The following PKN2 variants were observed in gnomAD, a reference collection of about 807,000 sequenced individuals.
PKN2 encodes the protein serine/threonine-protein kinase N2.
A neutral mutation model predicts 119.1 loss-of-function variants in PKN2; 38 were observed. The ratio of observed to expected loss-of-function variants is 0.32; its 90% confidence interval spans 0.25 to 0.42. The LOEUF (loss-of-function observed/expected upper bound fraction) is 0.42. Among genes scored for constraint, PKN2 ranks in the 10% least tolerant of loss-of-function variants. The probability of loss-of-function intolerance (pLI) is 1.00; values close to 1 mark genes in which losing one functional copy is unlikely to be tolerated. For synonymous variants in PKN2, 390 were observed against 384.9 expected (o/e 1.01, Z -0.15); for missense variants, 850 against 1,165.1 (o/e 0.73, Z 3.94).
intron 1 of PKN2, among the ~76,000 whole-genome samples, chr1:88,707,050 A>G (rs1466715092): frequency 2.6e-5 from 4 of 151,404 alleles, no homozygotes; most frequent in Admixed American, 1.3e-4. Flanking sequence ...AAATCTGCCC[A>G]TGGCTACTTA....
chr1:88,756,133 A>T (rs1669189342), intron 2 of PKN2, among the ~76,000 whole-genome samples: 1 of 151,878 alleles, frequency 6.6e-6, no homozygotes, highest in Non-Finnish European at 1.5e-5. Flanking sequence ...GATGGTCTTG[A>T]TCTCCACCTG....
At chr1:88,753,999 C>G (rs1040563763) in intron 2 of PKN2, among the ~76,000 whole-genome samples, 3 of 150,332 alleles carry the variant, frequency 2.0e-5, no homozygotes, top group Non-Finnish European at 4.4e-5. Flanking sequence ...TTGAAGGTAC[C>G]CTTTTCTGAC....
intron 1 of PKN2, among the ~76,000 whole-genome samples, chr1:88,710,798 G>A (rs1272760300): frequency 6.6e-6 from 1 of 152,192 alleles, no homozygotes; most frequent in African/African-American, 2.4e-5. Flanking sequence ...TCATTATTTT[G>A]TATATACCCG....
Position 88,747,601 on chromosome 1 carries a change from T to G in PKN2, c.349+6313T>G, listed in dbSNP as rs139613749. On this transcript the variant is annotated intron_variant, in intron 2 of 21. Coordinates refer to ENST00000370521, the MANE Select transcript of PKN2 (RefSeq NM_006256.4). ...TAAGTATGTCATCACTGAAGAAGAC[T>G]ATAAGAACATTTTTTAATATTTTAT... is the stretch of plus-strand genomic sequence containing the variant. Among the ~76,000 whole-genome samples, 146 of 152,266 alleles carry G rather than the reference T, an allele frequency of 9.6e-4. 2 individuals are homozygous for G. In the East Asian group the frequency reaches 0.025, roughly 26 times the overall value.
chr1:88,706,627 T>C (rs536134097), intron 1 of PKN2, among the ~76,000 whole-genome samples: 1 of 152,324 alleles, frequency 6.6e-6, no homozygotes, highest in South Asian at 2.1e-4. Flanking sequence ...ATTTGCCCTT[T>C]AATTACATTG....
intron 1 of PKN2, among the ~76,000 whole-genome samples, chr1:88,693,741 C>T (rs980147717): frequency 6.6e-6 from 1 of 152,196 alleles, no homozygotes. Flanking sequence ...TGATATTGAG[C>T]GAAACAGCAT....
intron 8 of PKN2, among the ~76,000 whole-genome samples, chr1:88,787,561 A>G (rs1244182235): frequency 2.0e-5 from 3 of 152,200 alleles, no homozygotes; most frequent in Admixed American, 1.3e-4. Context: ...TAGAAAGATA[A>G]CAGTAGCACA....
intron 2 of PKN2, among the ~76,000 whole-genome samples, chr1:88,748,173 A>G (rs1248844901): frequency 6.6e-6 from 1 of 152,130 alleles, no homozygotes; most frequent in Non-Finnish European, 1.5e-5. Flanking sequence ...AGATGAATTC[A>G]TCTAACTGCC....
intron 3 of PKN2, among the ~76,000 whole-genome samples, chr1:88,768,975 G>C (rs1362702677): frequency 6.7e-6 from 1 of 149,646 alleles, no homozygotes; most frequent in South Asian, 2.1e-4. Flanking sequence ...GAAGTGCCAG[G>C]CTCTTTTGAA....
chr1:88,776,993 A>G (rs1006476908), intron 6 of PKN2, among the ~76,000 whole-genome samples: 7 of 152,136 alleles, frequency 4.6e-5, no homozygotes, highest in African/African-American at 7.2e-5. Context: ...GAAGTTTCCA[A>G]TCATTTCTTC....
intron 2 of PKN2, among the ~76,000 whole-genome samples, chr1:88,746,565 C>T (rs892326605): frequency 6.6e-6 from 1 of 151,886 alleles, no homozygotes; most frequent in Non-Finnish European, 1.5e-5. Context: ...GAGATACCAC[C>T]TCATGTGTAT....
intron 16 of PKN2, among the ~76,000 whole-genome samples, chr1:88,821,548 C>CTTGT (rs1423196211): frequency 2.0e-5 from 3 of 152,202 alleles, no homozygotes; most frequent in African/African-American, 7.2e-5. Context: ...ACCAAACTTA[C>CTTGT]TTGTTATCAA....
chr1:88,728,640 A>C (rs750805483), intron 1 of PKN2, among the ~76,000 whole-genome samples: 2 of 152,168 alleles, frequency 1.3e-5, no homozygotes, highest in African/African-American at 4.8e-5. Context: ...ATGGGTTAAC[A>C]GTTCTGATCC....
Position 88,750,388 on chromosome 1 carries a change from C to A in PKN2, c.349+9100C>A, listed in dbSNP as rs377242799. ...AACTCTGTTTCATCTTGTAAGCCAACTGCTGAGTTGTGGTTTTAGAGAAAA... is the reference window on the plus strand; with the variant it reads ...AACTCTGTTTCATCTTGTAAGCCAAATGCTGAGTTGTGGTTTTAGAGAAAA... On this transcript the variant is annotated intron_variant, in intron 2 of 21. Transcript: ENST00000370521. Among the ~76,000 whole-genome samples the A allele has an allele frequency of 2.6e-5, 4 of 152,176 alleles. No homozygotes were observed. The East Asian group carries it at 7.7e-4, about 29-fold the overall frequency.
intron 8 of PKN2, among the ~76,000 whole-genome samples, chr1:88,801,722 A>G (rs1207282877): frequency 1.3e-5 from 2 of 152,242 alleles, no homozygotes; most frequent in South Asian, 4.1e-4. Flanking sequence ...CAGCACGGAG[A>G]CAAAGGATCT....
At chr1:88,795,107 G>A (rs1043237776) in intron 8 of PKN2, among the ~76,000 whole-genome samples, 2 of 152,204 alleles carry the variant, frequency 1.3e-5, no homozygotes, top group South Asian at 2.1e-4. Context: ...TCTACCCCAC[G>A]TCAGACTCCT....
chr1:88,775,622 AAT>A (rs1244644609), intron 6 of PKN2, among the ~76,000 whole-genome samples: 1 of 152,198 alleles, frequency 6.6e-6, no homozygotes, highest in Non-Finnish European at 1.5e-5. Context: ...GATTATAACT[AAT>A]GTCCTAAATT....
At chr1:88,749,120 G>C (rs1004813008) in intron 2 of PKN2, among the ~76,000 whole-genome samples, 2 of 152,062 alleles carry the variant, frequency 1.3e-5, no homozygotes, top group Admixed American at 1.3e-4. Flanking sequence ...AATAAAAATA[G>C]AGCAGCACCA....
rs559447625 is a variant in PKN2 at position 88,807,576 on chromosome 1, C to G, written c.1982C>G (p.Ala661Gly). 1.2e-6 allele frequency: 2 copies of G among 1,612,212 alleles called. No homozygotes were observed. Among genetic ancestry groups the G allele is most frequent in the Admixed American group, 1.7e-5 (1 of 59,944 alleles). ...AATCTACAAGATTTCAGGTGTTGTG[C>G]TGTCTTGGGAAGAGGACATTTTGGA... ...QFNLQDFRCC[A>G]VLGRGHFGKV... Residue 661 changes from alanine to glycine, a missense_variant, in exon 14 of 22, where the codon GCT (alanine) becomes GGT (glycine). Around this residue, in one of 9 missense-constraint regions of PKN2, gnomAD observed 216 missense variants for 252.8 expected, o/e 0.85. Coordinates refer to ENST00000370521, the MANE Select transcript of PKN2 (RefSeq NM_006256.4).
Sources: allele counts gnomAD v4.1 joint callset (sites outside exome capture counted in the v4.1 genomes callset), GRCh38; gene constraint gnomAD v4.1.1; regional missense constraint gnomAD v4.1.1; transcripts MANE v1.5; gene names NCBI Gene and HGNC (gene_info 2026-07-23, HGNC 2026-07-21).